NBPF20: variants seen among roughly 807,000 people sequenced by gnomAD.
NBPF20 encodes the protein NBPF family member NBPF20.
In NBPF20, 90 loss-of-function variants were observed where a neutral mutation model predicts 68.1. The observed-to-expected ratio is 1.32, with a 90% confidence interval of 1.11 to 1.58. The LOEUF (loss-of-function observed/expected upper bound fraction) is 1.58, where lower values mean the gene tolerates loss of function less well. NBPF20 is among the 40% of genes most tolerant of loss of function. The pLI is 0.00. For synonymous variants in NBPF20, 290 were observed against 228.1 expected (o/e 1.27, Z -2.45); for missense variants, 816 against 601.2 (o/e 1.36, Z -3.74).
upstream of NBPF20, among the ~76,000 whole-genome samples, chr1:145,409,531 C>T (rs587706217): frequency 2.2e-4 from 33 of 147,580 alleles, no homozygotes; most frequent in Admixed American, 2.7e-4. Context: ...TAAAGCATGA[C>T]GAAATAACGA....
exon 74 of NBPF20, chr1:145,342,463 A>C (rs1661620699): frequency 7.7e-6 from 1 of 130,168 alleles, no homozygotes; most frequent in African/African-American, 3.6e-4. Flanking sequence ...GGCAGGAGTC[A>C]GGCTGTTCAA....
At chr1:145,416,196 G>A in the NBPF20 span, among the ~76,000 whole-genome samples, 1 of 146,396 alleles carries the variant, frequency 6.8e-6, no homozygotes, top group African/African-American at 2.5e-5. Context: ...ATGTGAAAAT[G>A]TATCATCTCA....
intron 3 of NBPF20, 71 bp from the exon 9 acceptor site, chr1:145,402,452 A>G: frequency 6.4e-7 from 1 of 1,557,156 alleles, no homozygotes; most frequent in South Asian, 1.1e-5. Context: ...TGCAACAGAG[A>G]TTTCTGAGAT....
In NBPF20 at chr1:145,291,730, G is replaced by A. The variant is rs375802418; in HGVS notation, c.16737C>T (p.Val5579=). 15 of 1,611,838 alleles carry A rather than the reference G, an allele frequency of 9.3e-6. No individual in the cohort carries two copies. In the Admixed American group the frequency reaches 1.3e-4, roughly 14 times the overall value. Residue 5579 remains valine (V), a synonymous_variant, in exon 138 of 138, where the codon GTC becomes GTT. Coordinates refer to ENST00000369373, the Ensembl canonical transcript of NBPF20. Reference sequence around the variant, plus strand: ...AACATCCATCCAGTGAGTCCTGTAAGACTTCAGGCTCTTCCACTTCCATCA... The same window carrying A: ...AACATCCATCCAGTGAGTCCTGTAAAACTTCAGGCTCTTCCACTTCCATCA...
At chr1:145,295,522 C>A in intron 133 of NBPF20, 45 bp downstream of exon 138, 1 of 185,498 alleles carries the variant, frequency 5.4e-6, no homozygotes, top group South Asian at 3.2e-5. Context: ...CTGGCATCTC[C>A]AGGTGTCAAC....
intron 7 of NBPF20, among the ~76,000 whole-genome samples, chr1:145,397,788 G>A (rs1662329971): frequency 1.3e-5 from 2 of 152,192 alleles, no homozygotes; most frequent in Middle Eastern, 3.4e-3. Context: ...ACACAGAATG[G>A]CAAATTGGAT....
the NBPF20 span, among the ~76,000 whole-genome samples, chr1:145,424,695 T>C: frequency 6.6e-6 from 1 of 152,074 alleles, no homozygotes; most frequent in Non-Finnish European, 1.5e-5. Flanking sequence ...AATGAGAAGA[T>C]CTAACAAGCC....
At chr1:145,396,514 ACTC>A (rs1662246675) in intron 7 of NBPF20, among the ~76,000 whole-genome samples, 1 of 150,564 alleles carries the variant, frequency 6.6e-6, no homozygotes, top group African/African-American at 2.4e-5. Context: ...CCATAAAGAT[ACTC>A]CTCGAGAAGA....
chr1:145,292,554 T>G (rs1220521303), intron 136 of NBPF20, 65 bp from the exon 142 acceptor site: 9 of 714,640 alleles, frequency 1.3e-5, no homozygotes, highest in Middle Eastern at 3.9e-4. Flanking sequence ...AACAATCCAC[T>G]GTCTAATCCT....
At chr1:145,396,610 G>A (rs1254811122) in intron 7 of NBPF20, among the ~76,000 whole-genome samples, 14 of 151,620 alleles carry the variant, frequency 9.2e-5, no homozygotes, top group African/African-American at 2.4e-4. Context: ...GAGAAAGGTC[G>A]GATTACCCAC....
intron 43 of NBPF20, among the ~76,000 whole-genome samples, 197 bp from the exon 49 acceptor site, chr1:145,366,549 G>T (rs1373553254): frequency 2.1e-5 from 2 of 97,080 alleles, no homozygotes; most frequent in African/African-American, 8.8e-5. Flanking sequence ...AAGACAGATA[G>T]ACACACACAC....
the NBPF20 span, among the ~76,000 whole-genome samples, chr1:145,423,658 C>A: frequency 6.6e-6 from 1 of 151,686 alleles, no homozygotes; most frequent in Non-Finnish European, 1.5e-5. Context: ...AGAGGACACA[C>A]AAATGACAAT....
At chr1:145,394,795 C>T (rs1293105126) in intron 8 of NBPF20, among the ~76,000 whole-genome samples, 183 bp downstream of exon 13, 1 of 152,220 alleles carries the variant, frequency 6.6e-6, no homozygotes, top group Non-Finnish European at 1.5e-5. Context: ...GCAAAGCTCA[C>T]TGACCCACCC....
intron 7 of NBPF20, among the ~76,000 whole-genome samples, chr1:145,397,803 A>T (rs1558975627): frequency 6.6e-6 from 1 of 152,338 alleles, no homozygotes; most frequent in Admixed American, 6.5e-5. Flanking sequence ...TTGGATAAAG[A>T]GTCAAGTCCC....
chr1:145,292,547 A>G (rs1661199230), intron 136 of NBPF20, 58 bp from the exon 142 acceptor site: 2 of 705,382 alleles, frequency 2.8e-6, no homozygotes, highest in Admixed American at 2.2e-5. Context: ...CACACATAAC[A>G]ATCCACTGTC....
intron 3 of NBPF20, 143 bp from the exon 9 acceptor site, chr1:145,402,524 C>G: frequency 1.4e-6 from 1 of 725,224 alleles, no homozygotes; most frequent in Admixed American, 2.1e-5. Context: ...TGTCTGTGGC[C>G]AAGAGAAAGA....
At chr1:145,291,887 A>T in intron 137 of NBPF20, 118 bp from the exon 143 acceptor site, 16 of 1,581,874 alleles carry the variant, frequency 1.0e-5, no homozygotes, top group East Asian at 2.2e-5. Context: ...TAGATCCATT[A>T]ATGAGGTAAA....
chr1:145,402,959 A>G (rs1360112454), intron 3 of NBPF20, among the ~76,000 whole-genome samples: 1 of 151,526 alleles, frequency 6.6e-6, no homozygotes, highest in Non-Finnish European at 1.5e-5. Context: ...CCTTTGGTTA[A>G]TTTTGTGTTA....
At chr1:145,292,576 C>A (rs1328742955) in intron 136 of NBPF20, 87 bp from the exon 142 acceptor site, 4 of 741,552 alleles carry the variant, frequency 5.4e-6, no homozygotes, top group Admixed American at 1.9e-5. Context: ...ACACAGGGAC[C>A]TCAGGCTCCC....
Sources: allele counts gnomAD v4.1 joint callset (sites outside exome capture counted in the v4.1 genomes callset), GRCh38; gene constraint gnomAD v4.1.1; transcripts MANE v1.5; gene names NCBI Gene and HGNC (gene_info 2026-07-23, HGNC 2026-07-21).